HSD3B1: variants seen among roughly 807,000 people sequenced by gnomAD.
The protein encoded by HSD3B1 is hydroxy-delta-5-steroid dehydrogenase, 3 beta- and steroid delta-isomerase 1.
HSD3B1 carries 11 observed loss-of-function variants against 10.4 expected under a neutral mutation model. The ratio of observed to expected loss-of-function variants is 1.05; its 90% CI spans 0.66 to 1.75. The LOEUF (loss-of-function observed/expected upper bound fraction) is 1.75. Among genes scored for constraint, HSD3B1 ranks in the 40% most tolerant of loss-of-function variants. The probability of loss-of-function intolerance (pLI) is 0.00; values close to 1 mark genes in which losing one functional copy is unlikely to be tolerated. For missense variants in HSD3B1, 490 were observed against 454.5 expected, an observed-to-expected ratio of 1.08 and a Z score of -0.71; for synonymous variants, 217 against 185.4, an observed-to-expected ratio of 1.17 and a Z score of -1.39.
At position 119,507,784 on chromosome 1, in the gene HSD3B1, C is replaced by T. The variant is rs1364397907; in HGVS notation, c.145+163C>T. ...ATAAATATTAAATAGTATAAAATGG[C>T]ATAGTATGAAAGATACTGGGTGGGA... On this transcript the variant is annotated intron_variant, in intron 2 of 3. Transcript: ENST00000369413. 8 of 705,266 alleles carry T rather than the reference C, an allele frequency of 1.1e-5. No individual in the cohort carries two copies. The South Asian group carries it at 1.3e-4, about 11-fold the overall frequency. The allele number at this position is 705,266 out of a possible 1,614,324, so 43.7% of individuals were successfully genotyped here. A position where few individuals can be genotyped will look rare whatever the true frequency, so the allele number is the denominator to read the frequency against.
chr1:119,509,271 T>C (rs923337267), intron 2 of HSD3B1, among the ~76,000 whole-genome samples: 3 of 152,214 alleles, frequency 2.0e-5, no homozygotes, highest in Non-Finnish European at 2.9e-5. Context: ...GCATCTGTGC[T>C]CTTAAGCAGT....
chr1:119,507,484 G>A lies in HSD3B1; in HGVS notation c.8G>A (p.Gly3Asp), dbSNP rs1653817934. 3.1e-6 allele frequency: 5 copies of A among 1,613,876 alleles called. No individual in the cohort carries two copies. The highest frequency in any genetic ancestry group is 4.2e-6 in the Non-Finnish European group (5 of 1,179,950). ...CTGCTACTTTGGATGGCCATGACGG[G>A]CTGGAGCTGCCTTGTGACAGGAGCA... MT[G>D]WSCLVTGAGG... Residue 3 changes from glycine (G) to aspartate (D), a missense_variant, in exon 2 of 4, where the codon GGC (glycine) becomes GAC (aspartate). By Grantham distance (94) the Gly-to-Asp change is moderately conservative (BLOSUM62 -1). Coordinates refer to ENST00000369413, the MANE Select transcript of HSD3B1 (RefSeq NM_000862.3).
intron 2 of HSD3B1, among the ~76,000 whole-genome samples, chr1:119,508,218 A>C (rs1653844394): frequency 6.7e-6 from 1 of 148,602 alleles, no homozygotes; most frequent in South Asian, 2.1e-4. Context: ...GACAATGAGA[A>C]AGACAGAGAA....
intron 2 of HSD3B1, 140 bp from the exon 3 acceptor site, chr1:119,511,363 T>C (rs1653931760): frequency 1.3e-6 from 1 of 754,642 alleles, no homozygotes; most frequent in Non-Finnish European, 2.2e-6. Flanking sequence ...TTTTTACTTG[T>C]TCTTTCCGTA....
In HSD3B1 at chr1:119,508,862, CCT is replaced by C. The variant is rs1653862118; in HGVS notation, c.145+1244_145+1245del. 2.6e-5 allele frequency among the ~76,000 whole-genome samples: 4 copies of C among 152,280 alleles called. No individual in the cohort carries two copies. In the Middle Eastern group the frequency reaches 0.014, roughly 518 times the overall value. ...TCTTGAAATGTTCGATTTCTTCCAC[CCT>C]CTGTTTTAATGTTGTCTTTGATAAA... On this transcript the variant is annotated intron_variant, in intron 2 of 3. Transcript: ENST00000369413.
Position 119,513,955 on chromosome 1 carries a change from A to G in HSD3B1, c.432A>G (p.Glu144=), listed in dbSNP as rs947865298. The G allele has an allele frequency of 1.2e-6, 2 of 1,614,004 alleles. No individual in the cohort carries two copies. Among genetic ancestry groups the G allele is most frequent in the African/African-American group, 2.7e-5 (2 of 74,916 alleles). Residue 144 remains glutamate, a synonymous_variant, in exon 4 of 4, where the codon GAA becomes GAG. Coordinates refer to ENST00000369413, the MANE Select transcript of HSD3B1 (RefSeq NM_000862.3). ...AAATCATCCAGAATGGCCATGAAGA[A>G]GAGCCTCTGGAAAACACATGGCCCG... ...YKEIIQNGHE[E]EPLENTWPAP...
At chr1:119,510,265 G>C (rs761012297) in intron 2 of HSD3B1, among the ~76,000 whole-genome samples, 35 of 152,302 alleles carry the variant, frequency 2.3e-4, no homozygotes, top group Non-Finnish European at 4.4e-4. Flanking sequence ...AGACAGCTGC[G>C]ATGTTAGTTC....
intron 3 of HSD3B1, 26 bp downstream of exon 3, chr1:119,511,693 A>T: frequency 6.2e-7 from 1 of 1,608,776 alleles, no homozygotes; most frequent in Non-Finnish European, 8.5e-7. Flanking sequence ...GAGGAGATGC[A>T]GCAAGGTGGG....
intron 3 of HSD3B1, 114 bp from the exon 4 acceptor site, chr1:119,513,720 G>C (rs1654011471): frequency 1.0e-6 from 1 of 977,930 alleles, no homozygotes; most frequent in East Asian, 2.4e-5. Flanking sequence ...TGTACCCTGA[G>C]TCTGTTACAA....
At chr1:119,509,336 G>A (rs1278398067) in intron 2 of HSD3B1, among the ~76,000 whole-genome samples, 2 of 152,140 alleles carry the variant, frequency 1.3e-5, no homozygotes, top group Non-Finnish European at 2.9e-5. Context: ...CACCATAAAA[G>A]CAACTCCATT....
chr1:119,514,033 C>A lies in HSD3B1; in HGVS notation c.510C>A (p.Asn170Lys). The stretch of plus-strand genomic sequence containing the variant: ...CTGAGAAGGCTGTACTGGCGGCTAA[C>A]GGGTGGAATCTGAAAAACGGCGGCA... ...KLAEKAVLAA[N>K]GWNLKNGGTL... is the part of the protein sequence containing the mutation. The change falls in exon 4 of 4, where the codon AAC becomes AAA. Residue 170 changes from asparagine to lysine, a missense_variant. By Grantham distance (94) the Asn-to-Lys change is moderately conservative. Coordinates refer to ENST00000369413, the MANE Select transcript of HSD3B1 (RefSeq NM_000862.3). The A allele has an allele frequency of 6.2e-7, 1 of 1,613,996 alleles. No homozygotes were observed. Among genetic ancestry groups the A allele is most frequent in the Non-Finnish European group, 8.5e-7 (1 of 1,179,992 alleles).
At chr1:119,509,640 C>T (rs587652960) in intron 2 of HSD3B1, among the ~76,000 whole-genome samples, 2 of 152,302 alleles carry the variant, frequency 1.3e-5, no homozygotes, top group Admixed American at 6.5e-5. Context: ...GCAGCCTCTT[C>T]CCTGACTCCC....
chr1:119,514,937 C>T lies in HSD3B1; in HGVS notation c.*292C>T, dbSNP rs978058473. 4.9e-6 allele frequency: 2 copies of T among 410,446 alleles called. No homozygotes were observed. Among genetic ancestry groups the T allele is most frequent in the Non-Finnish European group, 8.7e-6 (2 of 228,926 alleles). 25.4% of individuals were successfully genotyped at this position (410,446 alleles called of 1,614,324 possible). ...TTAGGGACTCTTTTAACTTGAGGGT[C>T]GTTTTGACTACTAGAGCTCCATTTC... is the stretch of plus-strand genomic sequence containing the variant. On this transcript the variant is annotated 3_prime_UTR_variant, in exon 4 of 4. Coordinates refer to ENST00000369413, the MANE Select transcript of HSD3B1 (RefSeq NM_000862.3).
Position 119,514,122 on chromosome 1 carries a change from C to T in HSD3B1, c.599C>T (p.Ala200Val). The change falls in exon 4 of 4, where the codon GCT (alanine) becomes GTT (valine). Residue 200 changes from alanine (A) to valine (V), a missense_variant. Physicochemically the swap from Ala to Val is moderately conservative, Grantham distance 64. Coordinates refer to ENST00000369413, the MANE Select transcript of HSD3B1 (RefSeq NM_000862.3). ...GGGGAAGGAAGCCGATTCCTTTCTG[C>T]TAGTATAAACGAGGCCCTGAACAAC... ...IYGEGSRFLS[A>V]SINEALNNNG... 2.5e-6 allele frequency: 4 copies of T among 1,614,080 alleles called. No individual in the cohort carries two copies. The highest frequency in any genetic ancestry group is 2.5e-6 in the Non-Finnish European group (3 of 1,180,010).
chr1:119,514,482 T>G lies in HSD3B1; in HGVS notation c.959T>G (p.Val320Gly), dbSNP rs753824364. 11 of 1,613,920 alleles carry G rather than the reference T, an allele frequency of 6.8e-6. No homozygotes were observed. The highest frequency in any genetic ancestry group is 9.3e-6 in the Non-Finnish European group (11 of 1,180,004). Residue 320 changes from valine (V) to glycine (G), a missense_variant, in exon 4 of 4, where the codon GTC becomes GGC. Transcript: ENST00000369413. ...TYRPPFNRHIVTLSNSVFTFS... is the reference protein window; with the variant it reads ...TYRPPFNRHIGTLSNSVFTFS... ...CGACCGCCCTTCAACCGCCACATAG[T>G]CACATTGTCAAATAGCGTATTCACC...
chr1:119,511,397 A>G, intron 2 of HSD3B1, 106 bp from the exon 3 acceptor site: 2 of 1,091,440 alleles, frequency 1.8e-6, no homozygotes, highest in Non-Finnish European at 2.8e-6. Flanking sequence ...CCACTCTAAC[A>G]CCCTACTCTA....
chr1:119,513,688 C>G (rs1316897500), intron 3 of HSD3B1, 146 bp from the exon 4 acceptor site: 2 of 793,288 alleles, frequency 2.5e-6, no homozygotes, highest in African/African-American at 3.5e-5. Flanking sequence ...ACGACCAAAT[C>G]TCAGACAGAA....
chr1:119,512,312 G>A (rs587653270), intron 3 of HSD3B1, among the ~76,000 whole-genome samples: 5 of 152,260 alleles, frequency 3.3e-5, no homozygotes, highest in East Asian at 1.9e-4. Context: ...TTCCAGAGCC[G>A]TTTTCAGCCA....
At chr1:119,510,712 G>GTTTTTTTTTTTTTTTTTTTT (rs1265546430) in intron 2 of HSD3B1, among the ~76,000 whole-genome samples, 1 of 39,060 alleles carries the variant, frequency 2.6e-5, no homozygotes, top group Non-Finnish European at 7.0e-5. Flanking sequence ...TGCTTGTGTG[G>GTTTTTTTTTTTTTTTTTTTT]TTTTCTTTTT....
Sources: allele counts gnomAD v4.1 joint callset (sites outside exome capture counted in the v4.1 genomes callset), GRCh38; gene constraint gnomAD v4.1.1; transcripts MANE v1.5; gene names NCBI Gene and HGNC (gene_info 2026-07-23, HGNC 2026-07-21).